The following DOCK4 variants were observed in gnomAD, a reference collection of about 807,000 sequenced individuals.
DOCK4 encodes dedicator of cytokinesis protein 4.
In DOCK4, 97 loss-of-function variants were observed where a neutral mutation model predicts 268.1. That is an observed-to-expected ratio of 0.36 (90% CI 0.31 to 0.43). DOCK4 has a LOEUF of 0.43. Among genes scored for constraint, DOCK4 ranks in the 20% least tolerant of loss-of-function variants. DOCK4 has a pLI of 1.00. For synonymous variants in DOCK4, 954 were observed against 887.2 expected, an observed-to-expected ratio of 1.08 and a Z score of -1.34; for missense variants, 2,145 against 2,455.7, an observed-to-expected ratio of 0.87 and a Z score of 2.67.
intron 24 of DOCK4, among the ~76,000 whole-genome samples, chr7:111,845,551 T>G (rs1011388795): frequency 1.3e-5 from 2 of 152,158 alleles, no homozygotes; most frequent in African/African-American, 4.8e-5. Flanking sequence ...TATGTGGAGT[T>G]GGGTTCTTAT....
At chr7:111,806,758 G>A (rs1800706699) in intron 30 of DOCK4, among the ~76,000 whole-genome samples, 1 of 152,206 alleles carries the variant, frequency 6.6e-6, no homozygotes, top group African/African-American at 2.4e-5. Context: ...CTAAGGTGGA[G>A]TGAGAGATTT....
At chr7:111,974,766 C>G (rs1260608207) in intron 8 of DOCK4, among the ~76,000 whole-genome samples, 1 of 151,888 alleles carries the variant, frequency 6.6e-6, no homozygotes, top group Non-Finnish European at 1.5e-5. Context: ...GACCCTGTAC[C>G]CGGGTTATTA....
intron 13 of DOCK4, among the ~76,000 whole-genome samples, chr7:111,903,196 C>T (rs1261015848): frequency 6.6e-6 from 1 of 152,178 alleles, no homozygotes; most frequent in Admixed American, 6.5e-5. Flanking sequence ...CATCTTCCTC[C>T]ATAAAGACCA....
At chr7:112,096,121 T>G (rs780493620) in intron 1 of DOCK4, among the ~76,000 whole-genome samples, 5 of 152,026 alleles carry the variant, frequency 3.3e-5, no homozygotes, top group Admixed American at 6.5e-5. Flanking sequence ...TTAAATAGGG[T>G]CTTTTGAAGA....
chr7:111,998,968 G>A (rs1326413924), intron 3 of DOCK4, among the ~76,000 whole-genome samples: 1 of 151,988 alleles, frequency 6.6e-6, no homozygotes, highest in Non-Finnish European at 1.5e-5. Context: ...GAGATAATAT[G>A]TGTATTCTGT....
At chr7:111,793,100 C>A (rs1799663303) in intron 30 of DOCK4, among the ~76,000 whole-genome samples, 1 of 152,108 alleles carries the variant, frequency 6.6e-6, no homozygotes, top group African/African-American at 2.4e-5. Flanking sequence ...TTAATTCTAC[C>A]CTCAAGTATT....
intron 1 of DOCK4, among the ~76,000 whole-genome samples, chr7:112,164,475 A>T (rs1389813383): frequency 6.6e-6 from 1 of 152,196 alleles, no homozygotes; most frequent in Non-Finnish European, 1.5e-5. Context: ...TAATACTCAT[A>T]GCTGTTATTC....
intron 1 of DOCK4, among the ~76,000 whole-genome samples, chr7:112,079,076 G>A (rs1392764141): frequency 2.0e-5 from 3 of 152,182 alleles, no homozygotes; most frequent in African/African-American, 7.2e-5. Flanking sequence ...GCAGTGAGCT[G>A]AGATTGTGCC....
intron 1 of DOCK4, among the ~76,000 whole-genome samples, chr7:112,061,453 T>C (rs967902533): frequency 1.3e-5 from 2 of 152,088 alleles, no homozygotes; most frequent in Non-Finnish European, 2.9e-5. Flanking sequence ...TCAAGACAGA[T>C]GCCCAGGAGC....
intron 41 of DOCK4, among the ~76,000 whole-genome samples, chr7:111,756,550 AG>A (rs202003059): frequency 0.053 from 7,853 of 147,082 alleles, 249 homozygotes; most frequent in Middle Eastern, 0.077. Flanking sequence ...TTTTAGAGCC[AG>A]GGCTTCCTCT....
rs558098866 is a variant in DOCK4, at chr7:111,893,984, G to A, written c.1587+1628C>T. 7.2e-4 allele frequency among the ~76,000 whole-genome samples: 110 copies of A among 152,276 alleles called. 1 individual carries two copies. Among genetic ancestry groups the A allele is most frequent in the Non-Finnish European group, 1.2e-3 (79 of 68,026 alleles). ...CACGCCTGTAATCCCAGCACTTTGGGAGGCTGAGGTGGGCGGATCACGAGG... is the reference window on the plus strand; with the variant it reads ...CACGCCTGTAATCCCAGCACTTTGGAAGGCTGAGGTGGGCGGATCACGAGG... On this transcript the variant is annotated intron_variant, in intron 16 of 52. Transcript: ENST00000428084.
chr7:111,741,507 C>G, intron 46 of DOCK4, 33 bp downstream of exon 46: 2 of 1,607,328 alleles, frequency 1.2e-6, no homozygotes, highest in Non-Finnish European at 1.7e-6. Flanking sequence ...GCGGGTGAGG[C>G]CAAATTGTAA....
intron 1 of DOCK4, among the ~76,000 whole-genome samples, chr7:112,015,759 G>A (rs1206916235): frequency 6.6e-6 from 1 of 152,146 alleles, no homozygotes; most frequent in African/African-American, 2.4e-5. Flanking sequence ...CACAGGCTGG[G>A]TAATTTATAA....
intron 24 of DOCK4, among the ~76,000 whole-genome samples, chr7:111,846,660 G>A (rs1441020873): frequency 2.6e-5 from 4 of 151,800 alleles, no homozygotes; most frequent in African/African-American, 4.9e-5. Flanking sequence ...GATCAAAAAC[G>A]ACTTCATGTT....
At chr7:111,841,181 ATG>A (rs1803663821) in intron 25 of DOCK4, among the ~76,000 whole-genome samples, 4 of 145,058 alleles carry the variant, frequency 2.8e-5, no homozygotes, top group Admixed American at 6.8e-5. Flanking sequence ...TTATTTATTT[ATG>A]AGACAGGGTC....
intron 8 of DOCK4, among the ~76,000 whole-genome samples, chr7:111,970,324 A>G (rs905839052): frequency 6.6e-5 from 10 of 150,704 alleles, no homozygotes; most frequent in Admixed American, 3.3e-4. Flanking sequence ...TTATTAAAAA[A>G]AAAGAAAAAA....
intron 1 of DOCK4, among the ~76,000 whole-genome samples, chr7:112,028,883 T>A (rs1395401704): frequency 1.3e-5 from 2 of 152,224 alleles, no homozygotes; most frequent in Non-Finnish European, 2.9e-5. Flanking sequence ...CCTGCTCACA[T>A]GGTCCTGATT....
At chr7:111,854,386 C>T (rs554562905) in intron 23 of DOCK4, among the ~76,000 whole-genome samples, 5 of 152,338 alleles carry the variant, frequency 3.3e-5, no homozygotes, top group South Asian at 4.1e-4. Flanking sequence ...CAATCGATCA[C>T]GACCCTCTCA....
intron 1 of DOCK4, among the ~76,000 whole-genome samples, chr7:112,162,871 T>G (rs1817256121): frequency 6.6e-6 from 1 of 152,208 alleles, no homozygotes; most frequent in African/African-American, 2.4e-5. Context: ...TATAATGTTC[T>G]CAAGCACTAT....
Sources: allele counts gnomAD v4.1 joint callset (sites outside exome capture counted in the v4.1 genomes callset), GRCh38; gene constraint gnomAD v4.1.1; transcripts MANE v1.5; gene names NCBI Gene and HGNC (gene_info 2026-07-23, HGNC 2026-07-21).